Variants in ASCC3 observed in about 807,000 individuals in gnomAD.
ASCC3 encodes ASC-1 complex subunit P200.
In ASCC3, 158 loss-of-function variants were observed where a neutral mutation model predicts 256.3. The observed-to-expected ratio is 0.62, with a 90% CI of 0.54 to 0.70. ASCC3 has a LOEUF of 0.70. ASCC3 is among the 30% of genes least tolerant of loss of function. The pLI is 0.00. For missense variants in ASCC3, 2,259 were observed against 2,626.0 expected, an observed-to-expected ratio of 0.86 and a Z score of 3.05; for synonymous variants, 948 against 883.4, an observed-to-expected ratio of 1.07 and a Z score of -1.30.
chr6:100,681,725 CAAA>C (rs10696130), intron 13 of ASCC3, among the ~76,000 whole-genome samples: 7 of 58,656 alleles, frequency 1.2e-4, no homozygotes, highest in Admixed American at 2.7e-4. Context: ...GACTCCGTCT[CAAA>C]AAAAAAAAAA....
intron 17 of ASCC3, among the ~76,000 whole-genome samples, chr6:100,655,321 AG>A (rs1487219861): frequency 3.9e-5 from 6 of 151,924 alleles, no homozygotes. Context: ...ACTTGATAAG[AG>A]GAACAGATTG....
chr6:100,530,919 T>C, intron 37 of ASCC3: 7 of 1,324,992 alleles, frequency 5.3e-6, no homozygotes, highest in Non-Finnish European at 7.6e-6. Flanking sequence ...ACTTGGAATC[T>C]TCTTTTAGAC....
chr6:100,805,649 G>A (rs1192090336), intron 5 of ASCC3, 111 bp downstream of exon 5: 2 of 1,277,010 alleles, frequency 1.6e-6, no homozygotes, highest in African/African-American at 3.0e-5. Context: ...AGTAATATCA[G>A]TAAATTATAT....
chr6:100,587,960 T>A (rs968275455), intron 36 of ASCC3, among the ~76,000 whole-genome samples: 2 of 152,174 alleles, frequency 1.3e-5, no homozygotes, highest in African/African-American at 4.8e-5. Context: ...TTCACAAACT[T>A]CCTTTACAGC....
At chr6:100,769,583 TAGAAAA>T (rs1420362229) in intron 8 of ASCC3, among the ~76,000 whole-genome samples, 2 of 151,094 alleles carry the variant, frequency 1.3e-5, no homozygotes, top group South Asian at 2.1e-4. Context: ...AATGAAAAAT[TAGAAAA>T]AGAAAATCAA....
chr6:100,763,853 C>T lies in ASCC3; in HGVS notation c.1737+2712G>A, dbSNP rs368639150. Among the ~76,000 whole-genome samples, 65 of 152,296 alleles carry T rather than the reference C, an allele frequency of 4.3e-4. 1 individual carries two copies. In the East Asian group the frequency reaches 6.9e-3, roughly 16 times the overall value. Reference sequence around the variant, plus strand: ...TGCACTCTCATCAGTGATGCTAAGCCGTGCAGTCCCCTAGCCATGGTCTCA... The same window carrying T: ...TGCACTCTCATCAGTGATGCTAAGCTGTGCAGTCCCCTAGCCATGGTCTCA... On this transcript the variant is annotated intron_variant, in intron 10 of 41. Transcript: ENST00000369162.
chr6:100,780,718 A>G (rs1782401371), intron 8 of ASCC3, among the ~76,000 whole-genome samples: 1 of 152,254 alleles, frequency 6.6e-6, no homozygotes, highest in Admixed American at 6.5e-5. Flanking sequence ...AAAAACAAGG[A>G]AACAAGTAAC....
rs776676508 is a variant in ASCC3 at position 100,650,637 on chromosome 6, C to A, written c.3153G>T (p.Glu1051Asp). The change falls in exon 20 of 42, where the codon GAG becomes GAT. Residue 1051 changes from glutamate (E) to aspartate (D), a missense_variant. By Grantham distance (45) the Glu-to-Asp change is conservative. Around this residue, in one of 2 missense-constraint regions of ASCC3, gnomAD observed 1,839 missense variants for 2,206.7 expected, o/e 0.83. Coordinates refer to ENST00000369162, the MANE Select transcript of ASCC3 (RefSeq NM_006828.4). ...FCELSTPGGV[E>D]NSYGKINILL... ...AGATGTTTATTTTCCCATAACTATT[C>A]TCTACACCTCCAGGAGTGGAGAGTT... 6.2e-7 allele frequency: 1 copy of A among 1,612,738 alleles called. No homozygotes were observed. The highest frequency in any genetic ancestry group is 8.5e-7 in the Non-Finnish European group (1 of 1,179,084).
At chr6:100,512,986 T>C (rs1773849135) in intron 39 of ASCC3, 68 bp from the exon 40 acceptor site, 3 of 1,417,278 alleles carry the variant, frequency 2.1e-6, no homozygotes, top group African/African-American at 1.4e-5. Flanking sequence ...AATTAAGAAA[T>C]AGTGTGCTTT....
At chr6:100,766,527 GA>G in intron 10 of ASCC3, 37 bp downstream of exon 10, 2 of 1,596,870 alleles carry the variant, frequency 1.3e-6, no homozygotes, top group South Asian at 2.2e-5. Flanking sequence ...CCTAAAAAAA[GA>G]ATGGTATTAA....
chr6:100,850,629 T>A (rs561939954), intron 3 of ASCC3, among the ~76,000 whole-genome samples: 1 of 152,172 alleles, frequency 6.6e-6, no homozygotes, highest in African/African-American at 2.4e-5. Context: ...AGATTAACAG[T>A]TTATAGGTAG....
At chr6:100,535,580 G>GGCCTCA (rs1562100777) in intron 37 of ASCC3, among the ~76,000 whole-genome samples, 1 of 146,380 alleles carries the variant, frequency 6.8e-6, no homozygotes, top group African/African-American at 2.5e-5. Flanking sequence ...AGCAGTTCTC[G>GGCCTCA]GCCTCAGCCT....
At chr6:100,802,843 A>T (rs1769985854) in intron 5 of ASCC3, among the ~76,000 whole-genome samples, 1 of 151,792 alleles carries the variant, frequency 6.6e-6, no homozygotes, top group African/African-American at 2.4e-5. Flanking sequence ...TTATAAAAAA[A>T]AAATTTTTTT....
chr6:100,741,240 T>C (rs1320708909), intron 10 of ASCC3, among the ~76,000 whole-genome samples: 1 of 152,220 alleles, frequency 6.6e-6, no homozygotes, highest in Non-Finnish European at 1.5e-5. Context: ...GGTTTTCTAC[T>C]AAGAGGTCTG....
At position 100,524,477 on chromosome 6, in the gene ASCC3, G is replaced by A. The variant is rs578201956; in HGVS notation, c.5776-6335C>T. 2.6e-5 allele frequency among the ~76,000 whole-genome samples: 4 copies of A among 152,130 alleles called. No individual in the cohort carries two copies. In the East Asian group the frequency reaches 7.7e-4, roughly 29 times the overall value. On this transcript the variant is annotated intron_variant, in intron 37 of 41. Coordinates refer to ENST00000369162, the MANE Select transcript of ASCC3 (RefSeq NM_006828.4). ...TCCAAAAGTAAAATAGGAACATTGA[G>A]CACTGTGATAAAATTATGTCAGTTT...
intron 3 of ASCC3, among the ~76,000 whole-genome samples, chr6:100,863,713 T>C (rs1307896132): frequency 6.6e-6 from 1 of 151,978 alleles, no homozygotes; most frequent in Non-Finnish European, 1.5e-5. Context: ...CCTCCCAGGC[T>C]CAGGTAATTT....
intron 34 of ASCC3, among the ~76,000 whole-genome samples, chr6:100,601,494 G>A (rs1305602092): frequency 6.6e-6 from 1 of 151,916 alleles, no homozygotes; most frequent in Non-Finnish European, 1.5e-5. Context: ...AATTCCAACT[G>A]CATCTAAGTC....
chr6:100,660,642 A>G (rs950400943), intron 16 of ASCC3, among the ~76,000 whole-genome samples: 2 of 151,572 alleles, frequency 1.3e-5, no homozygotes, highest in East Asian at 1.9e-4. Context: ...GACTGTCCCA[A>G]TTCTGGCAGT....
At chr6:100,587,795 A>G (rs1384455437) in intron 36 of ASCC3, among the ~76,000 whole-genome samples, 2 of 152,222 alleles carry the variant, frequency 1.3e-5, no homozygotes, top group South Asian at 4.1e-4. Context: ...CCAGAAAGAA[A>G]CATGCTGCTG....
Sources: allele counts gnomAD v4.1 joint callset (sites outside exome capture counted in the v4.1 genomes callset), GRCh38; gene constraint gnomAD v4.1.1; regional missense constraint gnomAD v4.1.1; transcripts MANE v1.5; gene names NCBI Gene and HGNC (gene_info 2026-07-23, HGNC 2026-07-21).